Variants in HPS4 observed in about 807,000 individuals in gnomAD.
HPS4 encodes the protein HPS4 biogenesis of lysosomal organelles complex 3 subunit 2.
In HPS4, 44 loss-of-function variants were observed where a neutral mutation model predicts 70.3. The observed-to-expected ratio is 0.63, with a 90% CI of 0.49 to 0.80. The LOEUF (loss-of-function observed/expected upper bound fraction) is 0.80. HPS4 is among the 30% of genes least tolerant of loss of function. The pLI, the probability that HPS4 is intolerant of heterozygous loss-of-function variation, is 0.00. For missense variants in HPS4, 873 were observed against 884.4 expected (o/e 0.99, Z 0.16); for synonymous variants, 377 against 355.9 (o/e 1.06, Z -0.67).
chr22:26,476,748 C>T, intron 4 of HPS4: 1 of 494,252 alleles, frequency 2.0e-6, no homozygotes, highest in East Asian at 3.8e-5. Flanking sequence ...ACAAGTTGGC[C>T]TAAGTCTTTG....
chr22:26,448,303 G>A (rs138324800), downstream of HPS4, among the ~76,000 whole-genome samples: 2 of 152,298 alleles, frequency 1.3e-5, no homozygotes, highest in African/African-American at 4.8e-5. Context: ...CCATTTTAAA[G>A]AAAAGGACAC....
In HPS4 at chr22:26,452,004, G is replaced by GCGCACA. The variant is rs886057307; in HGVS notation, c.*1228_*1229insTGTGCG. ...CCACGTTACGCGCGCGCGCGCGCGC[G>GCGCACA]CACACACACACACACACACACACAC... On this transcript the variant is annotated 3_prime_UTR_variant, in exon 14 of 14. Transcript: ENST00000398145. The GCGCACA allele has an allele frequency of 4.7e-5, 5 of 106,152 alleles. No homozygotes were observed. The highest frequency in any genetic ancestry group is 9.1e-5 in the African/African-American group (2 of 21,968). The allele number at this position is 106,152 out of a possible 1,614,324, so 6.6% of individuals were successfully genotyped here.
chr22:26,479,716 A>G, intron 2 of HPS4: 4 of 1,081,154 alleles, frequency 3.7e-6, no homozygotes, highest in Non-Finnish European at 4.5e-6. Flanking sequence ...ATAACAAAAT[A>G]AGTTAGGGAT....
intron 11 of HPS4, among the ~76,000 whole-genome samples, chr22:26,462,805 T>C (rs554118788): frequency 1.3e-5 from 2 of 152,138 alleles, no homozygotes; most frequent in Non-Finnish European, 2.9e-5. Context: ...TAGTCACTCC[T>C]AGCTATGGTG....
At chr22:26,479,074 G>T (rs1053766756) in intron 3 of HPS4, among the ~76,000 whole-genome samples, 191 bp downstream of exon 3, 6 of 152,186 alleles carry the variant, frequency 3.9e-5, no homozygotes, top group South Asian at 2.1e-4. Context: ...AGCTAAAGAC[G>T]ATGAAAGTGC....
intron 1 of HPS4, chr22:26,482,817 T>TAA (rs911959606): frequency 6.6e-6 from 1 of 152,194 alleles, no homozygotes; most frequent in African/African-American, 2.4e-5. Context: ...TCCAACAAAC[T>TAA]AAAATCTGCG....
intron 3 of HPS4, among the ~76,000 whole-genome samples, chr22:26,478,357 G>A (rs1228671443): frequency 1.3e-5 from 2 of 152,016 alleles, no homozygotes; most frequent in African/African-American, 2.4e-5. Context: ...TGGATCACGA[G>A]GTCAGGAGAT....
downstream of HPS4, among the ~76,000 whole-genome samples, chr22:26,450,750 T>TC: frequency 6.6e-6 from 1 of 152,236 alleles, no homozygotes; most frequent in Non-Finnish European, 1.5e-5. Flanking sequence ...AAGGGGCTTT[T>TC]CCCCCCTTTC....
chr22:26,453,773 C>G (rs1289629164), intron 13 of HPS4: 1 of 336,386 alleles, frequency 3.0e-6, no homozygotes, highest in Non-Finnish European at 5.8e-6. Context: ...CACATAAGCT[C>G]TGCAGTGGTG....
chr22:26,447,059 A>G (rs1034468830), downstream of HPS4, among the ~76,000 whole-genome samples: 1 of 152,238 alleles, frequency 6.6e-6, no homozygotes. Flanking sequence ...TCCTGCCAAC[A>G]GTATGAGCCT....
chr22:26,468,736 G>C, intron 7 of HPS4, 113 bp from the exon 8 acceptor site: 2 of 970,786 alleles, frequency 2.1e-6, no homozygotes, highest in Non-Finnish European at 3.2e-6. Context: ...GACTTGGCTG[G>C]TGGGAGTTTC....
chr22:26,454,704 T>C (rs551799765), intron 13 of HPS4, among the ~76,000 whole-genome samples: 2 of 152,272 alleles, frequency 1.3e-5, no homozygotes, highest in Non-Finnish European at 1.5e-5. Context: ...CCAAAAGCAA[T>C]GGCAACAAAA....
Position 26,458,543 on chromosome 22 carries a change from T to A in HPS4, c.1748A>T (p.Glu583Val). ...HSSLASLNGL[E>V]VHLKETLPRD... ...GGGCAGCGTCTCTTTCAGGTGGACT[T>A]CCAGCCCATTCAGTGAAGCCAGGCT... The change falls in exon 12 of 14, where the codon GAA (glutamate) becomes GTA (valine). Residue 583 changes from glutamate (E) to valine (V), a missense_variant. Transcript: ENST00000398145. 1.2e-6 allele frequency: 2 copies of A among 1,614,168 alleles called. No individual in the cohort carries two copies. Among genetic ancestry groups the A allele is most frequent in the South Asian group, 1.1e-5 (1 of 91,078 alleles).
chr22:26,459,503 T>G (rs898171711), intron 11 of HPS4, among the ~76,000 whole-genome samples: 4 of 152,232 alleles, frequency 2.6e-5, no homozygotes, highest in African/African-American at 9.7e-5. Context: ...CTTTAATGGC[T>G]GTGCAGTGTT....
Position 26,453,335 on chromosome 22 carries a change from A to G in HPS4, c.2025T>C (p.Pro675=), listed in dbSNP as rs756494145. The change falls in exon 14 of 14, where the codon CCT becomes CCC. Residue 675 remains proline (P), a synonymous_variant. Transcript: ENST00000398145. The part of the protein sequence containing the change: ...IQETYFQQLA[P]AARSSGFPNP... ...TTGGGAAGCCGGAGCTCCGTGCTGCAGGTGCCAGCTGCTGGAAATATGTCT... is the reference window on the plus strand; with the variant it reads ...TTGGGAAGCCGGAGCTCCGTGCTGCGGGTGCCAGCTGCTGGAAATATGTCT... The G allele has an allele frequency of 4.3e-6, 7 of 1,614,194 alleles. No individual in the cohort carries two copies. The South Asian group carries it at 7.7e-5, about 18-fold the overall frequency.
chr22:26,476,938 A>G (rs1441578381), intron 4 of HPS4, 55 bp downstream of exon 4: 8 of 1,591,284 alleles, frequency 5.0e-6, no homozygotes, highest in Non-Finnish European at 2.6e-6. Flanking sequence ...AAACAACATA[A>G]CTTCCTAAAC....
chr22:26,443,793 G>A (rs965821103), downstream of HPS4: 2 of 152,382 alleles, frequency 1.3e-5, no homozygotes, highest in Non-Finnish European at 2.9e-5. Flanking sequence ...CAGTCAGGGT[G>A]GCACACAGTG....
At position 26,483,758 on chromosome 22, in the gene HPS4, C is replaced by A; in HGVS notation, c.-563G>T. The A allele has an allele frequency of 1.7e-6, 1 of 571,794 alleles. No individual in the cohort carries two copies. Among genetic ancestry groups the A allele is most frequent in the Non-Finnish European group, 2.7e-6 (1 of 375,668 alleles). 35.4% of individuals were successfully genotyped at this position (571,794 alleles called of 1,614,324 possible). ...GCAGCTGGGTACCTGCGACTTCTGC[C>A]CCGTACCTGCGCGCGCGGCAGAGAG... is the stretch of plus-strand genomic sequence containing the variant. On this transcript the variant is annotated 5_prime_UTR_variant, in exon 1 of 14. Transcript: ENST00000398145.
At chr22:26,474,049 A>G (rs1222975532) in intron 4 of HPS4, among the ~76,000 whole-genome samples, 2 of 152,266 alleles carry the variant, frequency 1.3e-5, no homozygotes, top group African/African-American at 2.4e-5. Flanking sequence ...AATTGCAATC[A>G]TAATCCCACC....
Sources: allele counts gnomAD v4.1 joint callset (sites outside exome capture counted in the v4.1 genomes callset), GRCh38; gene constraint gnomAD v4.1.1; transcripts MANE v1.5; gene names NCBI Gene and HGNC (gene_info 2026-07-23, HGNC 2026-07-21).